PLEKHA5: variants seen among roughly 807,000 people sequenced by gnomAD.
PLEKHA5 encodes pleckstrin homology domain containing A5.
Under a neutral mutation model 181.9 loss-of-function variants are expected in PLEKHA5, and 55 were observed. That is an observed-to-expected ratio of 0.30 (90% CI 0.24 to 0.38). PLEKHA5 has a LOEUF of 0.38. PLEKHA5 is among the 10% of genes least tolerant of loss of function. The pLI is 1.00. For synonymous variants in PLEKHA5, 535 were observed against 529.4 expected (o/e 1.01, Z -0.15); for missense variants, 1,432 against 1,549.5 (o/e 0.92, Z 1.27).
chr12:19,169,045 C>G (rs2045271114), intron 3 of PLEKHA5, among the ~76,000 whole-genome samples: 5 of 152,072 alleles, frequency 3.3e-5, no homozygotes, highest in Non-Finnish European at 7.4e-5. Context: ...TCAAAGAAAA[C>G]AAATTACTGA....
At chr12:19,296,650 C>T (rs183533570) in intron 15 of PLEKHA5, among the ~76,000 whole-genome samples, 45 of 152,186 alleles carry the variant, frequency 3.0e-4, no homozygotes, top group Admixed American at 2.7e-3. Context: ...TGAAGTTTCT[C>T]AGTCTTGTCA....
intron 3 of PLEKHA5, among the ~76,000 whole-genome samples, chr12:19,222,579 A>G (rs368848398): frequency 7.2e-5 from 11 of 152,318 alleles, no homozygotes; most frequent in African/African-American, 2.4e-4. Context: ...TAAAAAGGCA[A>G]TCAATTAATA....
intron 30 of PLEKHA5, among the ~76,000 whole-genome samples, chr12:19,368,962 A>G (rs2095506376): frequency 6.7e-6 from 1 of 148,672 alleles, no homozygotes; most frequent in South Asian, 2.2e-4. Context: ...AACTAAAAAA[A>G]GTTCCAACAG....
intron 3 of PLEKHA5, among the ~76,000 whole-genome samples, chr12:19,223,000 C>CTTTTTTT (rs62719560): frequency 7.8e-6 from 1 of 128,928 alleles, no homozygotes; most frequent in Non-Finnish European, 1.6e-5. Flanking sequence ...GAAATTTTGT[C>CTTTTTTT]TTTTTTTTTT....
intron 25 of PLEKHA5, among the ~76,000 whole-genome samples, chr12:19,353,177 CAG>C (rs2094704188): frequency 6.6e-6 from 1 of 150,802 alleles, no homozygotes; most frequent in African/African-American, 2.4e-5. Context: ...ATTTTTGAGA[CAG>C]AGTCTTCTCT....
chr12:19,198,551 A>G (rs2053478921), intron 3 of PLEKHA5, among the ~76,000 whole-genome samples: 1 of 152,210 alleles, frequency 6.6e-6, no homozygotes, highest in Non-Finnish European at 1.5e-5. Context: ...CCCCATGAGA[A>G]TATATGCTCC....
chr12:19,151,934 T>G (rs986740489), intron 3 of PLEKHA5: 5 of 149,382 alleles, frequency 3.3e-5, no homozygotes, highest in Non-Finnish European at 7.4e-5. Context: ...TGACACGATC[T>G]CGGCTCACTG....
At chr12:19,133,277 G>A (rs2034562180) in intron 3 of PLEKHA5, among the ~76,000 whole-genome samples, 1 of 151,820 alleles carries the variant, frequency 6.6e-6, no homozygotes, top group East Asian at 1.9e-4. Flanking sequence ...AGTACTACTT[G>A]GAGACAAATA....
intron 18 of PLEKHA5, among the ~76,000 whole-genome samples, chr12:19,321,286 C>A (rs987274804): frequency 1.3e-4 from 19 of 149,958 alleles, no homozygotes; most frequent in African/African-American, 4.6e-4. Context: ...TCTTTTAAAT[C>A]ATATTTTAGA....
At chr12:19,222,844 T>C (rs2059165940) in intron 3 of PLEKHA5, among the ~76,000 whole-genome samples, 1 of 152,112 alleles carries the variant, frequency 6.6e-6, no homozygotes, top group African/African-American at 2.4e-5. Flanking sequence ...TTCACTCGAT[T>C]GAACACCACA....
intron 7 of PLEKHA5, among the ~76,000 whole-genome samples, chr12:19,265,537 T>C (rs2070059778): frequency 6.6e-6 from 1 of 152,184 alleles, no homozygotes; most frequent in South Asian, 2.1e-4. Flanking sequence ...GTGAATGACA[T>C]GTAAAGGGGC....
intron 3 of PLEKHA5, among the ~76,000 whole-genome samples, chr12:19,194,960 A>G (rs2052278269): frequency 6.6e-6 from 1 of 152,204 alleles, no homozygotes; most frequent in Non-Finnish European, 1.5e-5. Context: ...TAGCATTTTA[A>G]TTTCAAAACA....
At chr12:19,250,407 A>G (rs1235724168) in intron 3 of PLEKHA5, among the ~76,000 whole-genome samples, 1 of 152,136 alleles carries the variant, frequency 6.6e-6, no homozygotes, top group East Asian at 1.9e-4. Flanking sequence ...CAACATGGTG[A>G]AACCCCTCTC....
intron 3 of PLEKHA5, chr12:19,150,691 G>A (rs553156368): frequency 1.3e-5 from 2 of 152,298 alleles, no homozygotes; most frequent in East Asian, 3.9e-4. Flanking sequence ...AATACAGTGT[G>A]TTTAAATGCT....
At chr12:19,179,383 G>A (rs1006693130) in intron 3 of PLEKHA5, among the ~76,000 whole-genome samples, 2 of 152,180 alleles carry the variant, frequency 1.3e-5, no homozygotes, top group Non-Finnish European at 2.9e-5. Context: ...TTGGCCGGGC[G>A]TGGTGGCTCA....
intron 30 of PLEKHA5, among the ~76,000 whole-genome samples, chr12:19,367,902 A>G (rs1478744796): frequency 1.3e-5 from 2 of 151,806 alleles, no homozygotes; most frequent in Admixed American, 6.6e-5. Context: ...TGCTTCTTGT[A>G]GTCCATAAGT....
chr12:19,365,140 G>A lies in PLEKHA5; in HGVS notation c.3609-824G>A, dbSNP rs1183986002. 2.0e-5 allele frequency among the ~76,000 whole-genome samples: 3 copies of A among 152,040 alleles called. No homozygotes were observed. In the East Asian group the frequency reaches 5.8e-4, roughly 29 times the overall value. On this transcript the variant is annotated intron_variant, in intron 29 of 31. Transcript: ENST00000429027. The stretch of plus-strand genomic sequence containing the variant: ...TAATCCCACCACTTTGGGAGGCTGA[G>A]GTGGGCAGATCAAGAGGTCAGGAGA...
At chr12:19,172,051 A>G (rs187485216) in intron 3 of PLEKHA5, among the ~76,000 whole-genome samples, 1 of 152,234 alleles carries the variant, frequency 6.6e-6, no homozygotes, top group Non-Finnish European at 1.5e-5. Context: ...TTTAATAAGT[A>G]GAAGGAGTAC....
At chr12:19,258,780 G>T (rs1225806510) in intron 6 of PLEKHA5, among the ~76,000 whole-genome samples, 1 of 151,844 alleles carries the variant, frequency 6.6e-6, no homozygotes, top group Non-Finnish European at 1.5e-5. Flanking sequence ...TGGCCAGGCT[G>T]GCCTTGAATT....
Sources: gnomAD v4.1 joint callset for allele counts (sites outside exome capture counted in the v4.1 genomes callset) on GRCh38, gnomAD v4.1.1 for gene constraint, MANE v1.5 for transcripts, NCBI Gene and HGNC (gene_info 2026-07-23, HGNC 2026-07-21) for gene names.